The following PEX1 variants were observed in gnomAD, a reference collection of about 807,000 sequenced individuals.
The protein encoded by PEX1 is peroxisomal ATPase PEX1.
PEX1 carries 97 observed loss-of-function variants against 152.5 expected under a neutral mutation model. The ratio of observed to expected loss-of-function variants is 0.64; its 90% CI spans 0.54 to 0.75. PEX1 has a LOEUF of 0.75. Among genes scored for constraint, PEX1 ranks in the 30% least tolerant of loss-of-function variants. The pLI is 0.00. For missense variants in PEX1, 1,357 were observed against 1,516.3 expected (o/e 0.89, Z 1.74); for synonymous variants, 485 against 531.6 (o/e 0.91, Z 1.21).
At chr7:92,506,886 AAT>A in intron 10 of PEX1, 106 bp downstream of exon 10, 1 of 1,050,716 alleles carries the variant, frequency 9.5e-7, no homozygotes, top group Non-Finnish European at 1.5e-6. Context: ...AACCCTATAT[AAT>A]AGATGGTCAA....
chr7:92,517,328 T>C lies in PEX1; in HGVS notation c.1187A>G (p.Asn396Ser), dbSNP rs398123407. 7 of 1,613,754 alleles carry C rather than the reference T, an allele frequency of 4.3e-6. No individual in the cohort carries two copies. Among genetic ancestry groups the C allele is most frequent in the East Asian group, 2.2e-5 (1 of 44,876 alleles). The stretch of plus-strand genomic sequence containing the variant: ...TACATTTTTGGTATATTTGATGGCA[T>C]TGTTCAATTCTTCAAGTCCATTCCA... ...VVWNGLEELN[N>S]AIKYTKNVEV... Residue 396 changes from asparagine to serine, a missense_variant, in exon 5 of 24, where the codon AAT (asparagine) becomes AGT (serine). Physicochemically the swap from Asn to Ser is conservative, Grantham distance 46. Coordinates refer to ENST00000248633, the MANE Select transcript of PEX1 (RefSeq NM_000466.3).
At chr7:92,497,884 A>G (rs769500789) in intron 16 of PEX1, among the ~76,000 whole-genome samples, 1 of 151,882 alleles carries the variant, frequency 6.6e-6, no homozygotes, top group African/African-American at 2.4e-5. Flanking sequence ...CCTGGCCAAC[A>G]TGGTAAAATC....
At chr7:92,510,892 A>C in intron 8 of PEX1, 52 bp downstream of exon 8, 2 of 968,662 alleles carry the variant, frequency 2.1e-6, no homozygotes, top group Non-Finnish European at 3.3e-6. Flanking sequence ...CTTTATTATC[A>C]ATCATATGTA....
intron 17 of PEX1, among the ~76,000 whole-genome samples, chr7:92,496,324 A>C (rs1791651358): frequency 6.6e-6 from 1 of 152,088 alleles, no homozygotes; most frequent in Admixed American, 6.6e-5. Context: ...ACTGAAATTA[A>C]ATTGGCCAGA....
At chr7:92,524,484 C>T (rs1417949092) in intron 1 of PEX1, among the ~76,000 whole-genome samples, 2 of 152,024 alleles carry the variant, frequency 1.3e-5, no homozygotes, top group African/African-American at 4.8e-5. Flanking sequence ...CCAGGCTGGT[C>T]TCGAACTCCT....
chr7:92,516,994 G>C (rs1183360559), intron 5 of PEX1, among the ~76,000 whole-genome samples: 1 of 152,170 alleles, frequency 6.6e-6, no homozygotes, highest in Non-Finnish European at 1.5e-5. Context: ...TTGAATCCTA[G>C]TTGTAACACT....
chr7:92,489,012 G>A (rs1363266960), intron 23 of PEX1, among the ~76,000 whole-genome samples: 1 of 152,180 alleles, frequency 6.6e-6, no homozygotes, highest in African/African-American at 2.4e-5. Flanking sequence ...GGGATTACAG[G>A]CATGAGCCAC....
intron 5 of PEX1, 144 bp from the exon 6 acceptor site, chr7:92,514,111 C>T: frequency 1.7e-6 from 1 of 585,840 alleles, no homozygotes; most frequent in Non-Finnish European, 2.9e-6. Flanking sequence ...TTGTCTCAGT[C>T]CATGCAGGCT....
At chr7:92,502,217 G>A (rs1791966201) in intron 13 of PEX1, 138 bp from the exon 14 acceptor site, 2 of 649,776 alleles carry the variant, frequency 3.1e-6, no homozygotes, top group East Asian at 2.6e-5. Flanking sequence ...TGGAGCAGGG[G>A]AGGAATGGGT....
chr7:92,507,056 G>A lies in PEX1; in HGVS notation c.1741C>T (p.Arg581Trp), dbSNP rs748239213. Residue 581 changes from arginine (R) to tryptophan (W), a missense_variant, in exon 10 of 24, where the codon CGG becomes TGG. Physicochemically the swap from Arg to Trp is moderately radical, Grantham distance 101. Coordinates refer to ENST00000248633, the MANE Select transcript of PEX1 (RefSeq NM_000466.3). ...CCTGCAACAAGAGACATCAGCTGCC[G>A]AGACAAAGGGCGTCCCAGGAGGCTG... ...THSLLGRPLS[R>W]QLMSLVAGLR... is the part of the protein sequence containing the mutation. 5.0e-6 allele frequency: 8 copies of A among 1,613,822 alleles called. No individual in the cohort carries two copies. The highest frequency in any genetic ancestry group is 2.2e-5 in the East Asian group (1 of 44,874).
rs1173872400 is a variant in PEX1, at chr7:92,493,043, A to G, written c.3117T>C (p.Thr1039=). The G allele has an allele frequency of 6.2e-7, 1 of 1,610,248 alleles. No homozygotes were observed. The highest frequency in any genetic ancestry group is 1.7e-5 in the Admixed American group (1 of 60,018). The change falls in exon 20 of 24, where the codon ACT becomes ACC. Residue 1039 remains threonine (T), a synonymous_variant. Coordinates refer to ENST00000248633, the MANE Select transcript of PEX1 (RefSeq NM_000466.3). Reference sequence around the variant, plus strand: ...TCAGATCAGCTCCAGTAAAGGAGTCAGTTACTGATGCTACATGCTGAAGGT... The same window carrying G: ...TCAGATCAGCTCCAGTAAAGGAGTCGGTTACTGATGCTACATGCTGAAGGT... ...DVDLQHVASV[T]DSFTGADLKA... is the part of the protein sequence containing the mutation.
At chr7:92,521,445 T>C (rs1793045172) in intron 2 of PEX1, among the ~76,000 whole-genome samples, 1 of 152,232 alleles carries the variant, frequency 6.6e-6, no homozygotes, top group Non-Finnish European at 1.5e-5. Flanking sequence ...TATTTTTTAT[T>C]TTTTTTCAAG....
chr7:92,500,407 A>G (rs937706542), intron 15 of PEX1, among the ~76,000 whole-genome samples: 10 of 152,176 alleles, frequency 6.6e-5, no homozygotes, highest in African/African-American at 2.2e-4. Flanking sequence ...AGTTCCCTCT[A>G]TTGAGAATAT....
At chr7:92,520,916 G>A (rs868812981) in intron 2 of PEX1, among the ~76,000 whole-genome samples, 3 of 152,198 alleles carry the variant, frequency 2.0e-5, no homozygotes, top group African/African-American at 7.2e-5. Flanking sequence ...CTGGGAAAAG[G>A]TAAAAACTCA....
Position 92,506,653 on chromosome 7 carries a change from C to T in PEX1, c.1804-309G>A, listed in dbSNP as rs905424005. On this transcript the variant is annotated intron_variant, in intron 10 of 23. Transcript: ENST00000248633. ...TAGAAAGAATGATACACCACAACTA[C>T]GTGGTATTTATCACAGGTATGCAAG... 22 of 494,528 alleles carry T rather than the reference C, an allele frequency of 4.4e-5. No individual in the cohort carries two copies. The Middle Eastern group carries it at 1.7e-3, about 38-fold the overall frequency. The allele number at this position is 494,528 out of a possible 1,614,324, so 30.6% of individuals were successfully genotyped here. A position where few individuals can be genotyped will look rare whatever the true frequency, so the allele number is the denominator to read the frequency against.
Position 92,499,711 on chromosome 7 carries a change from C to G in PEX1, c.2711G>C (p.Ser904Thr). The change falls in exon 16 of 24, where the codon AGT becomes ACT. Residue 904 changes from serine (S) to threonine (T), a missense_variant. Physicochemically the swap from Ser to Thr is moderately conservative, Grantham distance 58. Coordinates refer to ENST00000248633, the MANE Select transcript of PEX1 (RefSeq NM_000466.3). Reference protein sequence around the residue: ...IARESRMNFISVKGPELLSKY... With the variant: ...IARESRMNFITVKGPELLSKY... ...GATAAGTAGACAACATACCTTGACACTTATAAAATTCATTCTACTCTCTCG... is the reference window on the plus strand; with the variant it reads ...GATAAGTAGACAACATACCTTGACAGTTATAAAATTCATTCTACTCTCTCG... 1.2e-6 allele frequency: 2 copies of G among 1,612,514 alleles called. No homozygotes were observed. The highest frequency in any genetic ancestry group is 1.7e-6 in the Non-Finnish European group (2 of 1,178,644).
chr7:92,501,761 A>G, intron 14 of PEX1, 88 bp from the exon 15 acceptor site: 2 of 1,368,440 alleles, frequency 1.5e-6, no homozygotes, highest in Non-Finnish European at 2.1e-6. Flanking sequence ...TGGAAACACT[A>G]ATTTTCTACT....
Position 92,504,784 on chromosome 7 carries a change from G to T in PEX1, c.2019C>A (p.Val673=), listed in dbSNP as rs368345209. The part of the protein sequence containing the change: ...DLDLIAGLPA[V]PEHEHSPDAV... ...CATCAGGACTGTGCTCATGTTCCGG[G>T]ACAGCAGGCAGTCCAGCAATGAGGT... The change falls in exon 12 of 24, where the codon GTC becomes GTA. Residue 673 remains valine (V), a synonymous_variant. Coordinates refer to ENST00000248633, the MANE Select transcript of PEX1 (RefSeq NM_000466.3). The T allele has an allele frequency of 1.2e-6, 2 of 1,614,196 alleles. No homozygotes were observed. The highest frequency in any genetic ancestry group is 1.3e-5 in the African/African-American group (1 of 75,058).
chr7:92,499,945 C>A, intron 15 of PEX1, 107 bp from the exon 16 acceptor site: 1 of 817,756 alleles, frequency 1.2e-6, no homozygotes, highest in Non-Finnish European at 2.0e-6. Flanking sequence ...ATGGTAATCA[C>A]GACCATCTTT....
Sources: allele counts gnomAD v4.1 joint callset (sites outside exome capture counted in the v4.1 genomes callset), GRCh38; gene constraint gnomAD v4.1.1; transcripts MANE v1.5; gene names NCBI Gene and HGNC (gene_info 2026-07-23, HGNC 2026-07-21).